The following DNAH6 variants were observed in gnomAD, a reference collection of about 807,000 sequenced individuals.
DNAH6 encodes dynein axonemal heavy chain 6, also known as axonemal beta dynein heavy chain 6.
In DNAH6, 340 loss-of-function variants were observed where a neutral mutation model predicts 491.4. That is an observed-to-expected ratio of 0.69 (90% CI 0.63 to 0.76). The LOEUF (loss-of-function observed/expected upper bound fraction) is 0.76, where lower values mean the gene tolerates loss of function less well. Ranked by LOEUF, DNAH6 falls within the 30% of genes least tolerant of loss-of-function variation. The probability of loss-of-function intolerance (pLI) is 0.00; values close to 1 mark genes in which losing one functional copy is unlikely to be tolerated. For synonymous variants in DNAH6, 1,603 were observed against 1,686.1 expected (o/e 0.95, Z 1.21); for missense variants, 4,443 against 4,972.2 (o/e 0.89, Z 3.20).
In DNAH6 at chr2:84,814,123, G is replaced by A. The variant is rs900785655; in HGVS notation, c.12150+1G>A. The A allele has an allele frequency of 2.6e-6, 4 of 1,550,832 alleles. No individual in the cohort carries two copies. In the African/African-American group the frequency reaches 5.5e-5, roughly 21 times the overall value. Reference sequence around the variant, plus strand: ...ACAAGAACTGCCCATGGACATGGAGGTATTGTCCACCTGGCTGTTATGGCA... The same window carrying A: ...ACAAGAACTGCCCATGGACATGGAGATATTGTCCACCTGGCTGTTATGGCA... On this transcript the variant is annotated splice_donor_variant, in intron 75 of 76. Coordinates refer to ENST00000389394, the MANE Select transcript of DNAH6 (RefSeq NM_001370.2). LOFTEE classifies it high-confidence loss of function.
rs1197311749 is a variant in DNAH6, at chr2:84,577,299, A to G, written c.1967A>G (p.Gln656Arg). 2.5e-6 allele frequency: 4 copies of G among 1,596,340 alleles called. No individual in the cohort carries two copies. The highest frequency in any genetic ancestry group is 3.4e-6 in the Non-Finnish European group (4 of 1,173,178). ...GAACAACTGGAAAAATATCACAAAC[A>G]GCACAAGGACGCAGTAGCGCTCAGA... ...FSEQLEKYHKQHKDAVALRPT... is the reference protein window; with the variant it reads ...FSEQLEKYHKRHKDAVALRPT... Residue 656 changes from glutamine (Q) to arginine (R), a missense_variant, in exon 13 of 77, where the codon CAG becomes CGG. Coordinates refer to ENST00000389394, the MANE Select transcript of DNAH6 (RefSeq NM_001370.2).
chr2:84,633,319 C>T (rs938603678), intron 29 of DNAH6, among the ~76,000 whole-genome samples: 1 of 152,122 alleles, frequency 6.6e-6, no homozygotes, highest in Non-Finnish European at 1.5e-5. Context: ...AATATCTCCC[C>T]AAGGCAGATC....
intron 31 of DNAH6, 73 bp downstream of exon 31, chr2:84,637,450 A>G: frequency 7.0e-7 from 1 of 1,430,764 alleles, no homozygotes; most frequent in Non-Finnish European, 9.2e-7. Context: ...CTATCAAGGT[A>G]GAAAGTTTCC....
intron 68 of DNAH6, among the ~76,000 whole-genome samples, chr2:84,794,222 C>T (rs895846037): frequency 1.4e-4 from 22 of 152,286 alleles, no homozygotes; most frequent in Admixed American, 6.5e-4. Context: ...ACCATAAAAA[C>T]GCTAGAAGAA....
At chr2:84,580,203 A>G (rs1682867600) in intron 14 of DNAH6, among the ~76,000 whole-genome samples, 1 of 152,160 alleles carries the variant, frequency 6.6e-6, no homozygotes, top group South Asian at 2.1e-4. Flanking sequence ...ACCCAACACA[A>G]ACCCGCTTAA....
At chr2:84,792,386 A>T (rs1007094265) in intron 68 of DNAH6, among the ~76,000 whole-genome samples, 1 of 152,208 alleles carries the variant, frequency 6.6e-6, no homozygotes, top group Non-Finnish European at 1.5e-5. Flanking sequence ...TAAGTATTCT[A>T]ACCACAATAA....
At chr2:84,684,401 C>T (rs1694084588) in intron 42 of DNAH6, among the ~76,000 whole-genome samples, 2 of 152,170 alleles carry the variant, frequency 1.3e-5, no homozygotes, top group African/African-American at 4.8e-5. Flanking sequence ...ATAAAATACA[C>T]AGGAAATTCC....
At position 84,672,123 on chromosome 2, in the gene DNAH6, G is replaced by A. The variant is rs77684198; in HGVS notation, c.6455-204G>A. The stretch of plus-strand genomic sequence containing the variant: ...ATAAGGGGCCACCTGGCATGACAAC[G>A]TGGACGTCTTGACCAGGACCACATC... On this transcript the variant is annotated intron_variant, in intron 39 of 76. Transcript: ENST00000389394. Among the ~76,000 whole-genome samples, 1,166 of 152,314 alleles carry A rather than the reference G, an allele frequency of 7.7e-3. 9 individuals carry two copies. Among genetic ancestry groups the A allele is most frequent in the Middle Eastern group, 0.014 (4 of 294 alleles).
At chr2:84,495,921 C>T in the DNAH6 span, among the ~76,000 whole-genome samples, 2 of 152,166 alleles carry the variant, frequency 1.3e-5, no homozygotes, top group African/African-American at 4.8e-5. Flanking sequence ...CGCACACAAA[C>T]ATGAATACAA....
In DNAH6 at chr2:84,607,595, C is replaced by A. The variant is rs183917944; in HGVS notation, c.3294+500C>A. ...TCAAACCTCAGCATTACACAGCATA[C>A]CCATTTAAAAAACCTGCACATGTAA... On this transcript the variant is annotated intron_variant, in intron 21 of 76. Coordinates refer to ENST00000389394, the MANE Select transcript of DNAH6 (RefSeq NM_001370.2). 4.3e-4 allele frequency among the ~76,000 whole-genome samples: 65 copies of A among 152,218 alleles called. 1 individual carries two copies. In the Middle Eastern group the frequency reaches 0.01, roughly 24 times the overall value.
At chr2:84,692,483 A>AG (rs1283123713) in intron 45 of DNAH6, among the ~76,000 whole-genome samples, 18 of 146,756 alleles carry the variant, frequency 1.2e-4, no homozygotes, top group African/African-American at 4.6e-4. Flanking sequence ...ATAGATAGAT[A>AG]AATTTCCCAG....
Position 84,694,345 on chromosome 2 carries a change from A to G in DNAH6, c.7389A>G (p.Ile2463Met), listed in dbSNP as rs1420386650. The G allele has an allele frequency of 1.2e-5, 19 of 1,552,308 alleles. No homozygotes were observed. The highest frequency in any genetic ancestry group is 2.4e-5 in the East Asian group (1 of 40,948). ...KQSLTRLAAH[I>M]CGYKCLQIEL... ...CACTCACGAGACTTGCAGCTCATAT[A>G]TGCGGTTACAAATGTTTGCAGATTG... The change falls in exon 46 of 77, where the codon ATA becomes ATG. Residue 2463 changes from isoleucine to methionine, a missense_variant. Transcript: ENST00000389394.
In DNAH6 at chr2:84,517,897, T is replaced by C; in HGVS notation, c.71T>C (p.Leu24Pro). The change falls in exon 2 of 77, where the codon CTT (leucine) becomes CCT (proline). Residue 24 changes from leucine (L) to proline (P), a missense_variant. This residue lies in a region of DNAH6 where 2,977 missense variants were observed against 3,296.6 expected (regional missense o/e 0.90). Transcript: ENST00000389394. ...NIEEYAENSALSRLNNIKAKQ... is the reference protein window; with the variant it reads ...NIEEYAENSAPSRLNNIKAKQ... ...GAAGAGTATGCCGAAAATTCTGCACTTTCAAGACTGAATAATATAAAAGCC... is the reference window on the plus strand; with the variant it reads ...GAAGAGTATGCCGAAAATTCTGCACCTTCAAGACTGAATAATATAAAAGCC... The C allele has an allele frequency of 6.4e-7, 1 of 1,551,814 alleles. No homozygotes were observed. Among genetic ancestry groups the C allele is most frequent in the Non-Finnish European group, 8.7e-7 (1 of 1,147,022 alleles).
chr2:84,516,642 T>G (rs1380902), intron 1 of DNAH6, 59 bp downstream of exon 1: 1 of 152,208 alleles, frequency 6.6e-6, no homozygotes, highest in Admixed American at 6.5e-5. Context: ...AGAAACAAAG[T>G]CTGACTTTCG....
intron 35 of DNAH6, 81 bp from the exon 36 acceptor site, chr2:84,658,211 T>C (rs1691161976): frequency 1.1e-6 from 1 of 942,332 alleles, no homozygotes; most frequent in Non-Finnish European, 1.5e-6. Context: ...TATAGAAATA[T>C]CCAGATTTTA....
rs775093942 is a variant in DNAH6, at chr2:84,547,334, T to C, written c.997T>C (p.Tyr333His). 6.4e-7 allele frequency: 1 copy of C among 1,551,442 alleles called. No individual in the cohort carries two copies. The highest frequency in any genetic ancestry group is 1.4e-5 in the African/African-American group (1 of 73,042). ...TCATTTGAGTTTTATGGGACTTTGTTATATTGAAAAGTGTCACACCTACAC... is the reference window on the plus strand; with the variant it reads ...TCATTTGAGTTTTATGGGACTTTGTCATATTGAAAAGTGTCACACCTACAC... ...CYHLSFMGLC[Y>H]IEKCHTYTLQ... Residue 333 changes from tyrosine (Y) to histidine (H), a missense_variant, in exon 6 of 77, where the codon TAT becomes CAT. By Grantham distance (83) the Tyr-to-His change is moderately conservative (BLOSUM62 2). Around this residue, in one of 3 missense-constraint regions of DNAH6, gnomAD observed 2,977 missense variants for 3,296.6 expected, o/e 0.90. Transcript: ENST00000389394.
At chr2:84,535,811 T>C (rs1677636304) in intron 4 of DNAH6, among the ~76,000 whole-genome samples, 1 of 151,990 alleles carries the variant, frequency 6.6e-6, no homozygotes, top group African/African-American at 2.4e-5. Context: ...TCTGTAGACA[T>C]TAGTAACTGC....
chr2:84,626,753 C>A (rs965147347), intron 29 of DNAH6, among the ~76,000 whole-genome samples: 2 of 152,202 alleles, frequency 1.3e-5, no homozygotes, highest in Admixed American at 6.5e-5. Flanking sequence ...AGGTGCCCAC[C>A]ACCACACCCG....
chr2:84,515,240 A>T (rs888118162), upstream of DNAH6, among the ~76,000 whole-genome samples: 2 of 152,064 alleles, frequency 1.3e-5, no homozygotes, highest in African/African-American at 4.8e-5. Flanking sequence ...TTTTGTCTAC[A>T]TTTGAAGTTT....
Sources: gnomAD v4.1 joint callset for allele counts (sites outside exome capture counted in the v4.1 genomes callset) on GRCh38, gnomAD v4.1.1 for gene constraint, gnomAD v4.1.1 regional missense constraint, MANE v1.5 for transcripts, NCBI Gene and HGNC (gene_info 2026-07-23, HGNC 2026-07-21) for gene names.